The following CACNA2D3 variants were observed in gnomAD, a reference collection of about 807,000 sequenced individuals.
CACNA2D3 encodes voltage-dependent calcium channel subunit alpha-2/delta-3.
CACNA2D3 carries 60 observed loss-of-function variants against 160.6 expected under a neutral mutation model. The ratio of observed to expected loss-of-function variants is 0.37; its 90% CI spans 0.30 to 0.46. The LOEUF (loss-of-function observed/expected upper bound fraction) is 0.46, where lower values mean the gene tolerates loss of function less well. Ranked by LOEUF, CACNA2D3 falls within the 20% of genes least tolerant of loss-of-function variation. The pLI, the probability that CACNA2D3 is intolerant of heterozygous loss-of-function variation, is 1.00. For missense variants in CACNA2D3, 1,205 were observed against 1,365.0 expected, an observed-to-expected ratio of 0.88 and a Z score of 1.85; for synonymous variants, 558 against 492.9, an observed-to-expected ratio of 1.13 and a Z score of -1.75.
rs1553731354 is a variant in CACNA2D3, at chr3:54,141,094, C to CGCGCACGT, written c.204+17504_204+17505insACGTGCGC. Among the ~76,000 whole-genome samples the CGCGCACGT allele has an allele frequency of 1.1e-3, 94 of 81,974 alleles. 3 individuals are homozygous for CGCGCACGT. Among genetic ancestry groups the CGCGCACGT allele is most frequent in the Admixed American group, 1.9e-3 (17 of 9,146 alleles). The allele number at this position is 81,974 out of a possible 152,430, so 53.8% of individuals were successfully genotyped here. On this transcript the variant is annotated intron_variant, in intron 2 of 37. Coordinates refer to ENST00000474759, the MANE Select transcript of CACNA2D3 (RefSeq NM_018398.3). The stretch of plus-strand genomic sequence containing the variant: ...GTGTGTGTGTGTGTGTGTGCGCGCG[C>CGCGCACGT]GCGCGTGTGTGCATGCATGCCTGAG...
At chr3:54,736,048 C>CATAT (rs1312006818) in intron 11 of CACNA2D3, among the ~76,000 whole-genome samples, 1 of 35,050 alleles carries the variant, frequency 2.9e-5, no homozygotes, top group Non-Finnish European at 6.2e-5. Context: ...TATATATACA[C>CATAT]ATACATATGT....
intron 2 of CACNA2D3, among the ~76,000 whole-genome samples, chr3:54,259,978 C>A (rs1202947523): frequency 6.6e-6 from 1 of 152,172 alleles, no homozygotes; most frequent in Admixed American, 6.6e-5. Flanking sequence ...TATGTTTCCT[C>A]CTCCTTCTCC....
At chr3:54,569,265 C>T (rs781501548) in intron 6 of CACNA2D3, among the ~76,000 whole-genome samples, 4 of 152,158 alleles carry the variant, frequency 2.6e-5, no homozygotes, top group Non-Finnish European at 5.9e-5. Flanking sequence ...TATTTCATTT[C>T]AATGTGGAAA....
chr3:54,429,966 A>G (rs897392368), intron 4 of CACNA2D3, among the ~76,000 whole-genome samples: 1 of 152,196 alleles, frequency 6.6e-6, no homozygotes, highest in African/African-American at 2.4e-5. Context: ...TAATCTGACA[A>G]TCTGTTTAGA....
chr3:54,992,220 G>A (rs1272038347), intron 31 of CACNA2D3, among the ~76,000 whole-genome samples: 1 of 152,172 alleles, frequency 6.6e-6, no homozygotes, highest in Non-Finnish European at 1.5e-5. Flanking sequence ...AAGACACGAG[G>A]TTAAAAGCAT....
intron 3 of CACNA2D3, among the ~76,000 whole-genome samples, chr3:54,336,522 T>C (rs1704382357): frequency 6.6e-6 from 1 of 152,144 alleles, no homozygotes; most frequent in African/African-American, 2.4e-5. Context: ...AGCCCAAGGG[T>C]CACACGCTCA....
chr3:54,427,433 T>A (rs186445443), intron 4 of CACNA2D3, among the ~76,000 whole-genome samples: 4 of 152,296 alleles, frequency 2.6e-5, no homozygotes, highest in Admixed American at 2.6e-4. Context: ...CCCAGGATTA[T>A]TTATTTTCAA....
chr3:54,801,639 G>T (rs1206689099), intron 13 of CACNA2D3, among the ~76,000 whole-genome samples: 1 of 152,082 alleles, frequency 6.6e-6, no homozygotes, highest in Non-Finnish European at 1.5e-5. Flanking sequence ...GCATCATAGG[G>T]AGCTTTAAAT....
chr3:54,637,948 T>TCC (rs1164312768), intron 10 of CACNA2D3: 2 of 152,064 alleles, frequency 1.3e-5, no homozygotes, highest in Admixed American at 6.5e-5. Context: ...TGTAGCAAGT[T>TCC]CCTGGGGGAG....
intron 9 of CACNA2D3, among the ~76,000 whole-genome samples, chr3:54,611,691 G>A (rs980060820): frequency 2.0e-5 from 3 of 152,138 alleles, no homozygotes; most frequent in Non-Finnish European, 4.4e-5. Flanking sequence ...GGGGTGGAGT[G>A]CAGAGAAGAA....
Position 54,384,380 on chromosome 3 carries a change from G to GC in CACNA2D3, c.322-2334dup, listed in dbSNP as rs1361865011. 7.2e-5 allele frequency among the ~76,000 whole-genome samples: 11 copies of GC among 152,244 alleles called. No individual in the cohort carries two copies. In the East Asian group the frequency reaches 2.1e-3, roughly 29 times the overall value. On this transcript the variant is annotated intron_variant, in intron 3 of 37. Transcript: ENST00000474759. ...ATATGTAACTGATTTCATGATACAT[G>GC]CACAGAAATTCTAAATCTGTTACAA...
intron 35 of CACNA2D3, among the ~76,000 whole-genome samples, chr3:55,024,571 G>A (rs1014270565): frequency 1.3e-5 from 2 of 152,132 alleles, no homozygotes; most frequent in Admixed American, 6.5e-5. Context: ...CAGCTAAAAG[G>A]TGTTATCATT....
rs373495731 is a variant in CACNA2D3 at position 54,764,179 on chromosome 3, G to A, written c.1247-39G>A. ...CATATTCCCAGTTGCAAGTCTTTCTGTCTGTTACTAAACTTGGCCCTCCCT... is the reference window on the plus strand; with the variant it reads ...CATATTCCCAGTTGCAAGTCTTTCTATCTGTTACTAAACTTGGCCCTCCCT... On this transcript the variant is annotated intron_variant, in intron 12 of 37. Coordinates refer to ENST00000474759, the MANE Select transcript of CACNA2D3 (RefSeq NM_018398.3). 151 of 1,611,420 alleles carry A rather than the reference G, an allele frequency of 9.4e-5. 1 individual carries two copies. Among genetic ancestry groups the A allele is most frequent in the South Asian group, 6.7e-4 (61 of 90,880 alleles).
chr3:55,073,396 T>C, intron 35 of CACNA2D3, 49 bp from the exon 36 acceptor site: 1 of 1,422,908 alleles, frequency 7.0e-7, no homozygotes, highest in Non-Finnish European at 9.9e-7. Context: ...TCATGGCTCT[T>C]TAATTGACGG....
intron 35 of CACNA2D3, among the ~76,000 whole-genome samples, chr3:55,062,049 G>A (rs1010711894): frequency 2.0e-5 from 3 of 152,178 alleles, no homozygotes; most frequent in African/African-American, 7.2e-5. Context: ...CTTCAACCTT[G>A]TACTATATTC....
intron 2 of CACNA2D3, among the ~76,000 whole-genome samples, chr3:54,205,281 C>T (rs1701254529): frequency 6.6e-6 from 1 of 152,022 alleles, no homozygotes; most frequent in Non-Finnish European, 1.5e-5. Flanking sequence ...ATGGTAGAGA[C>T]GGGGTTTCAC....
intron 2 of CACNA2D3, among the ~76,000 whole-genome samples, chr3:54,280,681 A>G (rs1424501410): frequency 2.0e-5 from 3 of 152,122 alleles, no homozygotes; most frequent in African/African-American, 7.2e-5. Flanking sequence ...GTTTAGCAAT[A>G]ACAACCCTTC....
intron 2 of CACNA2D3, among the ~76,000 whole-genome samples, chr3:54,127,888 G>A (rs184095336): frequency 3.8e-4 from 57 of 151,796 alleles, no homozygotes; most frequent in East Asian, 3.9e-4. Context: ...GCTAACTTTC[G>A]GTCTGAGCCT....
intron 11 of CACNA2D3, among the ~76,000 whole-genome samples, chr3:54,702,249 A>G (rs1700781497): frequency 6.6e-6 from 1 of 152,172 alleles, no homozygotes; most frequent in South Asian, 2.1e-4. Flanking sequence ...CAACAAAAAC[A>G]TTGACAAGTG....
Sources: allele counts gnomAD v4.1 joint callset (sites outside exome capture counted in the v4.1 genomes callset), GRCh38; gene constraint gnomAD v4.1.1; transcripts MANE v1.5; gene names NCBI Gene and HGNC (gene_info 2026-07-23, HGNC 2026-07-21).